The following TUBA8 variants were observed in gnomAD, a reference collection of about 807,000 sequenced individuals.
TUBA8 encodes the protein tubulin alpha 8, also known as tubulin alpha-8 chain.
In TUBA8, 29 loss-of-function variants were observed where a neutral mutation model predicts 34.7. That is an observed-to-expected ratio of 0.84 (90% CI 0.62 to 1.14). The LOEUF is 1.14. Among genes scored for constraint, TUBA8 ranks in the 50% most tolerant of loss-of-function variants. The pLI is 0.00. For missense variants in TUBA8, 541 were observed against 599.2 expected (o/e 0.90, Z 1.01); for synonymous variants, 226 against 231.2 (o/e 0.98, Z 0.21).
intron 4 of TUBA8, chr22:18,127,640 G>T (rs186397411): frequency 6.7e-6 from 1 of 148,244 alleles, no homozygotes; most frequent in Non-Finnish European, 1.5e-5. Context: ...TGATCCGCCC[G>T]CCTTGGCCTC....
In TUBA8 at chr22:18,131,095, A is replaced by G. The variant is rs1410813842; in HGVS notation, c.1309A>G (p.Thr437Ala). Residue 437 changes from threonine to alanine, a missense_variant, in exon 5 of 5, where the codon ACT becomes GCT. By Grantham distance (58) the Thr-to-Ala change is moderately conservative. Coordinates refer to ENST00000330423, the MANE Select transcript of TUBA8 (RefSeq NM_018943.3). This position sits in a 1 kb window ranked among gnomAD's most constrained non-coding sequence, Gnocchi z 5.3. ...GGAGAAGGATTATGAAGAAGTGGGGACTGATTCGTTTGAAGAAGAAAATGA... is the reference window on the plus strand; with the variant it reads ...GGAGAAGGATTATGAAGAAGTGGGGGCTGATTCGTTTGAAGAAGAAAATGA... Reference protein sequence around the residue: ...ALEKDYEEVGTDSFEEENEGE... With the variant: ...ALEKDYEEVGADSFEEENEGE... 6 of 1,614,060 alleles carry G rather than the reference A, an allele frequency of 3.7e-6. No individual in the cohort carries two copies. The African/African-American group carries it at 8.0e-5, about 22-fold the overall frequency.
chr22:18,114,049 C>G (rs1353834317), intron 1 of TUBA8: 1 of 152,074 alleles, frequency 6.6e-6, no homozygotes, highest in Admixed American at 6.6e-5. Context: ...GAGGATGTGG[C>G]ACTGTCGGGG....
At chr22:18,129,237 A>G (rs898529215) in intron 4 of TUBA8, 1 of 152,234 alleles carries the variant, frequency 6.6e-6, no homozygotes, top group African/African-American at 2.4e-5. Flanking sequence ...TGAATGGGGA[A>G]AAAAGAGAAT....
Position 18,127,531 on chromosome 22 carries a change from C to T in TUBA8, c.1056+497C>T, listed in dbSNP as rs10427844. ...GCCTCAGCCTCCCAAGTAGCTGGGACTACAGGCGCCCGCCGCCACGCCCAG... is the reference window on the plus strand; with the variant it reads ...GCCTCAGCCTCCCAAGTAGCTGGGATTACAGGCGCCCGCCGCCACGCCCAG... On this transcript the variant is annotated intron_variant, in intron 4 of 4. Transcript: ENST00000330423. 5 of 156,158 alleles carry T rather than the reference C, an allele frequency of 3.2e-5. No individual in the cohort carries two copies. In the South Asian group the frequency reaches 9.7e-4, roughly 30 times the overall value. 9.7% of individuals were successfully genotyped at this position (156,158 alleles called of 1,614,324 possible).
rs1188419561 is a variant in TUBA8, at chr22:18,119,780, C to G, written c.4-1699C>G. On this transcript the variant is annotated intron_variant, in intron 1 of 4. Transcript: ENST00000330423. This position sits in a 1 kb window ranked among gnomAD's most constrained non-coding sequence, Gnocchi z 5.9. ...CGCAAGATGCTACTCAGGGCAGCTG[C>G]CCTGCTCTCCATGCCCAGAATTTCT... is the stretch of plus-strand genomic sequence containing the variant. 6.6e-6 allele frequency: 1 copy of G among 152,432 alleles called. No individual in the cohort carries two copies. Among genetic ancestry groups the G allele is most frequent in the Non-Finnish European group, 1.5e-5 (1 of 68,214 alleles). The allele number at this position is 152,432 out of a possible 1,614,324, so 9.4% of individuals were successfully genotyped here. A position where few individuals can be genotyped will look rare whatever the true frequency, so the allele number is the denominator to read the frequency against.
At chr22:18,122,220 C>A (rs1017084282) in intron 2 of TUBA8, 1 of 157,978 alleles carries the variant, frequency 6.3e-6, no homozygotes, top group Non-Finnish European at 1.4e-5. Flanking sequence ...CAGATCTCCC[C>A]TTCCCACACT....
rs1324695404 is a variant in TUBA8, at chr22:18,127,228, AT to A, written c.1056+198del. 8.3e-6 allele frequency: 5 copies of A among 601,984 alleles called. No homozygotes were observed. The African/African-American group carries it at 9.3e-5, about 11-fold the overall frequency. 37.3% of individuals were successfully genotyped at this position (601,984 alleles called of 1,614,324 possible). ...TGTCAAAGTTTTGTCTGTTTAGGCC[AT>A]TTTAGAAAAGTTTGGTGCTATTTTA... On this transcript the variant is annotated intron_variant, in intron 4 of 4. Coordinates refer to ENST00000330423, the MANE Select transcript of TUBA8 (RefSeq NM_018943.3).
Position 18,111,166 on chromosome 22 carries a change from T to G in TUBA8, c.3+298T>G. The G allele has an allele frequency of 1.8e-6, 1 of 552,904 alleles. No individual in the cohort carries two copies. The highest frequency in any genetic ancestry group is 3.2e-6 in the Non-Finnish European group (1 of 310,414). The allele number at this position is 552,904 out of a possible 1,614,324, so 34.2% of individuals were successfully genotyped here. ...GAGCCCGACGGAGAAGGGGGCGAGATTCTGGGGTCCCCAGATGGGCAGCCT... is the reference window on the plus strand; with the variant it reads ...GAGCCCGACGGAGAAGGGGGCGAGAGTCTGGGGTCCCCAGATGGGCAGCCT... On this transcript the variant is annotated intron_variant, in intron 1 of 4. Transcript: ENST00000330423. The surrounding 1 kb of genome is among the most constrained non-coding windows in gnomAD (Gnocchi z 5.1).
intron 4 of TUBA8, chr22:18,127,899 G>T (rs1031173060): frequency 6.6e-6 from 1 of 151,910 alleles, no homozygotes; most frequent in South Asian, 2.1e-4. Context: ...GGGTTTCACC[G>T]TGTTAGCCAG....
Position 18,110,974 on chromosome 22 carries a change from C to T in TUBA8, c.3+106C>T, listed in dbSNP as rs2123689117. ...GACCCGTCTTCCTGGAGCCGCAGGG[C>T]TCAAGGCCTTCTGGGGGTGGCAGTT... is the stretch of plus-strand genomic sequence containing the variant. On this transcript the variant is annotated intron_variant, in intron 1 of 4. Transcript: ENST00000330423. This position sits in a 1 kb window ranked among gnomAD's most constrained non-coding sequence, Gnocchi z 6.2. 6.6e-7 allele frequency: 1 copy of T among 1,508,566 alleles called. No homozygotes were observed. Among genetic ancestry groups the T allele is most frequent in the Non-Finnish European group, 8.9e-7 (1 of 1,124,624 alleles). The allele number at this position is 1,508,566 out of a possible 1,614,324, so 93.4% of individuals were successfully genotyped here.
chr22:18,117,291 G>A (rs997305420), intron 1 of TUBA8: 6 of 152,316 alleles, frequency 3.9e-5, no homozygotes, highest in African/African-American at 1.4e-4. Flanking sequence ...AAATAAGGAT[G>A]TTTTCATACT....
chr22:18,117,856 A>G (rs1296494698), intron 1 of TUBA8: 1 of 151,150 alleles, frequency 6.6e-6, no homozygotes, highest in Non-Finnish European at 1.5e-5. Context: ...AGGATGTCTC[A>G]CCTTCTGGAT....
chr22:18,117,124 C>T (rs1927999169), intron 1 of TUBA8: 1 of 152,222 alleles, frequency 6.6e-6, no homozygotes, highest in East Asian at 1.9e-4. Context: ...AATTTTAAGC[C>T]TTCAGAAAAG....
In TUBA8 at chr22:18,121,306, G is replaced by A; in HGVS notation, c.4-173G>A. ...GCACAAAACAGCTGTGTCTTCTTTG[G>A]ATCTAAGTCCTGGTCCAGCTGCTAT... On this transcript the variant is annotated intron_variant, in intron 1 of 4. Coordinates refer to ENST00000330423, the MANE Select transcript of TUBA8 (RefSeq NM_018943.3). This position sits in a 1 kb window ranked among gnomAD's most constrained non-coding sequence, Gnocchi z 4.8. 1.6e-6 allele frequency: 1 copy of A among 635,376 alleles called. No individual in the cohort carries two copies. Among genetic ancestry groups the A allele is most frequent in the Non-Finnish European group, 2.9e-6 (1 of 346,840 alleles). 39.4% of individuals were successfully genotyped at this position (635,376 alleles called of 1,614,324 possible). A position where few individuals can be genotyped will look rare whatever the true frequency, so the allele number is the denominator to read the frequency against.
chr22:18,120,536 T>C (rs1163253674), intron 1 of TUBA8: 1 of 152,236 alleles, frequency 6.6e-6, no homozygotes, highest in Non-Finnish European at 1.5e-5. Flanking sequence ...CTACCATTGC[T>C]GGGCACCTGG....
chr22:18,129,911 AG>A (rs1202368092), intron 4 of TUBA8: 1 of 152,246 alleles, frequency 6.6e-6, no homozygotes, highest in Non-Finnish European at 1.5e-5. Context: ...TGTGTTGGGA[AG>A]AAGAGAGATT....
At position 18,118,817 on chromosome 22, in the gene TUBA8, T is replaced by G. The variant is rs1425582374; in HGVS notation, c.4-2662T>G. 1 of 152,076 alleles carries G rather than the reference T, an allele frequency of 6.6e-6. No individual in the cohort carries two copies. The highest frequency in any genetic ancestry group is 2.4e-5 in the African/African-American group (1 of 41,384). 9.4% of individuals were successfully genotyped at this position (152,076 alleles called of 1,614,324 possible). On this transcript the variant is annotated intron_variant, in intron 1 of 4. Transcript: ENST00000330423. This position sits in a 1 kb window ranked among gnomAD's most constrained non-coding sequence, Gnocchi z 4.0. ...ACATTTTGTAAAAGACTGGCATATGTATTAGTGTGAGATTAATGAGGGCAT... is the reference window on the plus strand; with the variant it reads ...ACATTTTGTAAAAGACTGGCATATGGATTAGTGTGAGATTAATGAGGGCAT...
chr22:18,111,548 G>C lies in TUBA8; in HGVS notation c.3+680G>C, dbSNP rs970664683. On this transcript the variant is annotated intron_variant, in intron 1 of 4. Transcript: ENST00000330423. This position sits in a 1 kb window ranked among gnomAD's most constrained non-coding sequence, Gnocchi z 5.1. ...CCTGTTTCCTACCCTGGCTTAGGGG[G>C]ATCGCGGCTGCTCCCTTCCCTGCCC... 1 of 152,266 alleles carries C rather than the reference G, an allele frequency of 6.6e-6. No homozygotes were observed. Among genetic ancestry groups the C allele is most frequent in the Non-Finnish European group, 1.5e-5 (1 of 68,126 alleles). The allele number at this position is 152,266 out of a possible 1,614,324, so 9.4% of individuals were successfully genotyped here.
At chr22:18,125,473 C>T (rs1434076925) in intron 3 of TUBA8, 1 of 149,156 alleles carries the variant, frequency 6.7e-6, no homozygotes, top group Non-Finnish European at 1.5e-5. Flanking sequence ...CAAGATTGCA[C>T]CACTGCACTC....
Sources: gnomAD v4.1 joint callset for allele counts on GRCh38, gnomAD v4.1.1 for gene constraint, Gnocchi (gnomAD v3.1) non-coding constraint, MANE v1.5 for transcripts, NCBI Gene and HGNC (gene_info 2026-07-23, HGNC 2026-07-21) for gene names.